Variants in SEL1L3 observed in about 807,000 individuals in gnomAD.
SEL1L3 encodes the protein SEL1L family member 3, also known as protein sel-1 homolog 3.
In SEL1L3, 76 loss-of-function variants were observed where a neutral mutation model predicts 142.8. The observed-to-expected ratio is 0.53, with a 90% CI of 0.44 to 0.64. SEL1L3 has a LOEUF of 0.64. Among genes scored for constraint, SEL1L3 ranks in the 30% least tolerant of loss-of-function variants. The probability of loss-of-function intolerance (pLI) is 0.00; values close to 1 mark genes in which losing one functional copy is unlikely to be tolerated. For missense variants in SEL1L3, 1,262 were observed against 1,381.7 expected (o/e 0.91, Z 1.37); for synonymous variants, 504 against 519.6 (o/e 0.97, Z 0.41).
At chr4:25,800,828 G>A (rs529167683) in intron 11 of SEL1L3, among the ~76,000 whole-genome samples, 10 of 152,280 alleles carry the variant, frequency 6.6e-5, no homozygotes, top group African/African-American at 2.2e-4. Context: ...GCCTTTTGGT[G>A]TTTTATAGCT....
Position 25,830,168 on chromosome 4 carries a change from G to T in SEL1L3, c.1099-12C>A. ...GTGGTTACTACTATCTATGATGGGAGGGATACACAAGAATCAGTTATGCCT... is the reference window on the plus strand; with the variant it reads ...GTGGTTACTACTATCTATGATGGGATGGATACACAAGAATCAGTTATGCCT... On this transcript the variant is annotated splice_polypyrimidine_tract_variant and intron_variant, in intron 5 of 23. Transcript: ENST00000399878. 1 of 1,582,132 alleles carries T rather than the reference G, an allele frequency of 6.3e-7. No homozygotes were observed. Among genetic ancestry groups the T allele is most frequent in the South Asian group, 1.1e-5 (1 of 90,092 alleles).
chr4:25,844,440 C>T (rs922052732), intron 2 of SEL1L3, among the ~76,000 whole-genome samples: 5 of 152,186 alleles, frequency 3.3e-5, no homozygotes, highest in African/African-American at 9.7e-5. Flanking sequence ...GTTTTCTCTG[C>T]GTTATGGTTT....
At chr4:25,746,538 ATATTCAAATG>A (rs201328202), downstream of SEL1L3, among the ~76,000 whole-genome samples, 100 of 99,298 alleles carry the variant, frequency 1.0e-3, 1 homozygote, top group South Asian at 9.3e-3. Context: ...TTAAATATAT[ATATTCAAATG>A]TATATATTTA....
chr4:25,757,475 AAAAAAT>A, intron 23 of SEL1L3, 53 bp downstream of exon 23: 1 of 1,059,842 alleles, frequency 9.4e-7, no homozygotes. Context: ...AAAAAAAAAA[AAAAAAT>A]CCCTGCTTTT....
chr4:25,821,676 T>A (rs1416275921), intron 7 of SEL1L3, among the ~76,000 whole-genome samples: 1 of 152,244 alleles, frequency 6.6e-6, no homozygotes, highest in African/African-American at 2.4e-5. Flanking sequence ...GTTTACCAAA[T>A]AACTAAGATT....
At position 25,751,978 on chromosome 4, in the gene SEL1L3, G is replaced by A. The variant is rs187563798; in HGVS notation, c.3260-3414C>T. On this transcript the variant is annotated intron_variant, in intron 23 of 23. Coordinates refer to ENST00000399878, the MANE Select transcript of SEL1L3 (RefSeq NM_015187.5). ...ACAAAATTTAGCTGGGTGTGGTGGC[G>A]TGCATCTGTAATCTCAGCTACTCAG... 5.9e-4 allele frequency among the ~76,000 whole-genome samples: 89 copies of A among 150,790 alleles called. No homozygotes were observed. In the East Asian group the frequency reaches 0.011, roughly 19 times the overall value.
At chr4:25,754,540 T>C (rs1717825508) in intron 23 of SEL1L3, among the ~76,000 whole-genome samples, 3 of 151,854 alleles carry the variant, frequency 2.0e-5, no homozygotes, top group Admixed American at 6.6e-5. Flanking sequence ...ACATTAGTTC[T>C]AACAGGGCTG....
In SEL1L3 at chr4:25,847,764, A is replaced by G. The variant is rs751322529; in HGVS notation, c.263T>C (p.Val88Ala). The change falls in exon 2 of 24, where the codon GTC becomes GCC. Residue 88 changes from valine (V) to alanine (A), a missense_variant. Transcript: ENST00000399878. ...VAYKDFIYFT[V>A]FEGNVRNVSE... ...AACGTTGCGAACGTTTCCTTCAAAGACAGTAAAATAAATAAAGTCTTTGTA... is the reference window on the plus strand; with the variant it reads ...AACGTTGCGAACGTTTCCTTCAAAGGCAGTAAAATAAATAAAGTCTTTGTA... 3 of 1,613,760 alleles carry G rather than the reference A, an allele frequency of 1.9e-6. No individual in the cohort carries two copies. In the African/African-American group the frequency reaches 4.0e-5, roughly 22 times the overall value.
intron 9 of SEL1L3, among the ~76,000 whole-genome samples, chr4:25,814,911 T>C (rs1302519515): frequency 6.6e-6 from 1 of 151,876 alleles, no homozygotes; most frequent in Non-Finnish European, 1.5e-5. Flanking sequence ...CTGTGCCAGG[T>C]AGAGAGATGA....
At chr4:25,743,284 T>C (rs1380821446), downstream of SEL1L3, among the ~76,000 whole-genome samples, 1 of 152,220 alleles carries the variant, frequency 6.6e-6, no homozygotes, top group African/African-American at 2.4e-5. Flanking sequence ...GATGGATTTG[T>C]TTCAACCTAC....
intron 9 of SEL1L3, 71 bp downstream of exon 9, chr4:25,818,067 G>A (rs1042663278): frequency 6.7e-7 from 1 of 1,488,332 alleles, no homozygotes. Flanking sequence ...CACCAAAGAG[G>A]GTGAGTGAAA....
chr4:25,741,984 G>A, the SEL1L3 span, among the ~76,000 whole-genome samples: 11 of 151,368 alleles, frequency 7.3e-5, no homozygotes, highest in African/African-American at 2.4e-4. Flanking sequence ...AATTTTTTTT[G>A]TAGTTTTAGT....
At chr4:25,739,051 A>T in the SEL1L3 span, among the ~76,000 whole-genome samples, 1 of 152,070 alleles carries the variant, frequency 6.6e-6, no homozygotes, top group African/African-American at 2.4e-5. Flanking sequence ...TAAAAAAAAA[A>T]TAAAAAATTA....
chr4:25,834,464 A>G (rs1715658034), intron 3 of SEL1L3, among the ~76,000 whole-genome samples: 1 of 152,248 alleles, frequency 6.6e-6, no homozygotes. Context: ...AGTTTGGGTT[A>G]AAGTGACAGT....
intron 23 of SEL1L3, among the ~76,000 whole-genome samples, chr4:25,754,348 C>A (rs1717808044): frequency 7.8e-6 from 1 of 128,206 alleles, no homozygotes; most frequent in Non-Finnish European, 1.7e-5. Context: ...AAATTATTGA[C>A]AACTTTTTTT....
chr4:25,742,560 T>C (rs1717150880), downstream of SEL1L3, among the ~76,000 whole-genome samples: 1 of 152,164 alleles, frequency 6.6e-6, no homozygotes, highest in Non-Finnish European at 1.5e-5. Flanking sequence ...CCTCTCAAAG[T>C]GCTGGGATGA....
intron 14 of SEL1L3, among the ~76,000 whole-genome samples, chr4:25,782,820 C>T (rs747921680): frequency 7.9e-5 from 12 of 152,210 alleles, no homozygotes; most frequent in Middle Eastern, 3.4e-3. Flanking sequence ...CTAGGTGATC[C>T]GCCTGCCCAT....
chr4:25,756,894 C>G (rs766429116), intron 23 of SEL1L3: 1 of 1,283,586 alleles, frequency 7.8e-7, no homozygotes, highest in South Asian at 1.2e-5. Flanking sequence ...TTTTCAGGCA[C>G]ACAGAGGCAG....
intron 11 of SEL1L3, among the ~76,000 whole-genome samples, chr4:25,793,591 C>G (rs1712507071): frequency 6.6e-6 from 1 of 152,084 alleles, no homozygotes; most frequent in Non-Finnish European, 1.5e-5. Context: ...CTGAGCTTTG[C>G]AGCAGGGTGG....
Sources: allele counts gnomAD v4.1 joint callset (sites outside exome capture counted in the v4.1 genomes callset), GRCh38; gene constraint gnomAD v4.1.1; transcripts MANE v1.5; gene names NCBI Gene and HGNC (gene_info 2026-07-23, HGNC 2026-07-21).